Variants in GALNS observed in about 807,000 individuals in gnomAD.
The protein encoded by GALNS is galactosamine (N-acetyl)-6-sulfatase, also known as N-acetylgalactosamine-6-sulfatase.
Under a neutral mutation model 65.9 loss-of-function variants are expected in GALNS, and 65 were observed. The observed-to-expected ratio is 0.99, with a 90% CI of 0.81 to 1.21. The LOEUF is 1.21. Among genes scored for constraint, GALNS ranks in the 50% most tolerant of loss-of-function variants. The pLI is 0.00. For synonymous variants in GALNS, 346 were observed against 288.9 expected, an observed-to-expected ratio of 1.20 and a Z score of -2.00; for missense variants, 776 against 700.7, an observed-to-expected ratio of 1.11 and a Z score of -1.21.
intron 12 of GALNS, among the ~76,000 whole-genome samples, chr16:88,821,791 G>C (rs949873759): frequency 6.6e-6 from 1 of 152,172 alleles, no homozygotes; most frequent in East Asian, 1.9e-4. Flanking sequence ...GCTCAGGCCT[G>C]GTTCTGCCTC....
At chr16:88,847,663 A>C (rs1398577384) in intron 1 of GALNS, among the ~76,000 whole-genome samples, 1 of 152,238 alleles carries the variant, frequency 6.6e-6, no homozygotes, top group Non-Finnish European at 1.5e-5. Context: ...CACGACAGGG[A>C]CTAGAGTCTG....
chr16:88,825,930 C>T (rs972065565), intron 10 of GALNS, among the ~76,000 whole-genome samples: 5 of 152,212 alleles, frequency 3.3e-5, no homozygotes, highest in African/African-American at 9.7e-5. Flanking sequence ...CTTTGGAATC[C>T]TCATCCCTTC....
chr16:88,856,389 G>A, intron 1 of GALNS: 1 of 701,758 alleles, frequency 1.4e-6, no homozygotes, highest in Non-Finnish European at 2.6e-6. Flanking sequence ...CCTTTCCCAA[G>A]AGTAGAGGGC....
rs1910966758 is a variant in GALNS, at chr16:88,826,745, G to A, written c.1096C>T (p.Leu366Phe). Reference protein sequence around the residue: ...TPPSDRAIDGLNLLPTLLQGR... With the variant: ...TPPSDRAIDGFNLLPTLLQGR... Reference sequence around the variant, plus strand: ...TGCAGGAGGGTGGGGAGGAGGTTGAGGCCATCAATGGCCCTGTCGCTGGGC... The same window carrying A: ...TGCAGGAGGGTGGGGAGGAGGTTGAAGCCATCAATGGCCCTGTCGCTGGGC... Residue 366 changes from leucine (L) to phenylalanine (F), a missense_variant, in exon 10 of 14, where the codon CTC becomes TTC. Coordinates refer to ENST00000268695, the MANE Select transcript of GALNS (RefSeq NM_000512.5). The A allele has an allele frequency of 1.9e-6, 3 of 1,612,080 alleles. No individual in the cohort carries two copies. The highest frequency in any genetic ancestry group is 1.7e-6 in the Non-Finnish European group (2 of 1,179,598).
chr16:88,855,628 A>G (rs939837701), intron 1 of GALNS: 2 of 618,954 alleles, frequency 3.2e-6, no homozygotes, highest in Non-Finnish European at 5.8e-6. Context: ...CTTTTCAAGT[A>G]TATCTTTATG....
At chr16:88,837,990 G>T (rs958208774) in intron 4 of GALNS, 1 of 553,688 alleles carries the variant, frequency 1.8e-6, no homozygotes, top group Non-Finnish European at 3.2e-6. Flanking sequence ...CACAACCGAG[G>T]GCGGCAGGCA....
chr16:88,816,674 T>C lies in GALNS; in HGVS notation c.1482+1333A>G, dbSNP rs966876052. 6 of 985,218 alleles carry C rather than the reference T, an allele frequency of 6.1e-6. No individual in the cohort carries two copies. The African/African-American group carries it at 8.7e-5, about 14-fold the overall frequency. 61.0% of individuals were successfully genotyped at this position (985,218 alleles called of 1,614,324 possible). ...CGATGGCCGGTGCTCTCCTGTTACA[T>C]CCGCCGGCCCACGCTGTGGCTCCCT... On this transcript the variant is annotated intron_variant, in intron 13 of 13. Transcript: ENST00000268695.
chr16:88,816,581 G>C, intron 13 of GALNS: 1 of 981,890 alleles, frequency 1.0e-6, no homozygotes, highest in South Asian at 4.7e-5. Context: ...AACCCTGCAG[G>C]GTGGACTGTC....
rs73252811 is a variant in GALNS at position 88,830,411 on chromosome 16, G to A, written c.1002+1587C>T. Among the ~76,000 whole-genome samples, 447 of 152,234 alleles carry A rather than the reference G, an allele frequency of 2.9e-3. 2 individuals are homozygous for A. Among genetic ancestry groups the A allele is most frequent in the African/African-American group, 9.9e-3 (411 of 41,540 alleles). ...TCCAGAAGGAGCTGGCCCCACGCAC[G>A]TCTTCACTCAGCCCCATGAGCCCCA... On this transcript the variant is annotated intron_variant, in intron 9 of 13. Coordinates refer to ENST00000268695, the MANE Select transcript of GALNS (RefSeq NM_000512.5).
rs770815438 is a variant in GALNS, at chr16:88,841,044, G to A, written c.370C>T (p.Leu124=). The change falls in exon 4 of 14, where the codon CTG becomes TTG. Residue 124 remains leucine (L), a synonymous_variant. Coordinates refer to ENST00000268695, the MANE Select transcript of GALNS (RefSeq NM_000512.5). ...VGGIPDSEQL[L]PELLKKAGYV... is the part of the protein sequence containing the mutation. ...CCGGCCTTCTTCAGAAGCTCCGGCA[G>A]GAGCTGCTCCGAGTCTGGGATGCCG... 8 of 1,613,206 alleles carry A rather than the reference G, an allele frequency of 5.0e-6. No homozygotes were observed. In the African/African-American group the frequency reaches 1.1e-4, roughly 22 times the overall value.
At chr16:88,855,524 T>C (rs547084368) in intron 1 of GALNS, 1 of 702,638 alleles carries the variant, frequency 1.4e-6, no homozygotes, top group Non-Finnish European at 2.6e-6. Context: ...AAGCAGTCAC[T>C]GCACACAAAT....
At chr16:88,815,820 G>C (rs1909561953) in intron 13 of GALNS, 4 of 985,226 alleles carry the variant, frequency 4.1e-6, no homozygotes, top group Non-Finnish European at 4.8e-6. Flanking sequence ...CCAAACTCCA[G>C]GGGCAGCAGA....
intron 11 of GALNS, among the ~76,000 whole-genome samples, chr16:88,823,907 G>C (rs1184965979): frequency 6.6e-6 from 1 of 152,196 alleles, no homozygotes; most frequent in Non-Finnish European, 1.5e-5. Context: ...TGACAGTGCT[G>C]GGTAAAACCC....
At chr16:88,856,275 G>A in intron 1 of GALNS, 1 of 703,028 alleles carries the variant, frequency 1.4e-6, no homozygotes, top group South Asian at 1.5e-5. Context: ...GGGGGGACCC[G>A]GCGGCCCGAG....
In GALNS at chr16:88,822,706, A is replaced by G. The variant is rs142822371; in HGVS notation, c.1247T>C (p.Ile416Thr). 1.5e-3 allele frequency: 2,390 copies of G among 1,611,568 alleles called. 7 individuals carry two copies. The highest frequency in any genetic ancestry group is 1.8e-3 in the Non-Finnish European group (2,079 of 1,178,954). ...TNSWENFRQG[I>T]DFCPGQNVSG... The stretch of plus-strand genomic sequence containing the variant: ...AACGTTCTGCCCAGGGCAGAAATCA[A>G]TGCCCTGCAATGAGAAGAGGGAAGG... Residue 416 changes from isoleucine (I) to threonine (T), a missense_variant, in exon 12 of 14, where the codon ATT becomes ACT. Ile to Thr is a moderately conservative substitution (Grantham distance 89, BLOSUM62 -1). Transcript: ENST00000268695.
At chr16:88,817,122 C>A (rs1050557243) in intron 13 of GALNS, 6 of 985,482 alleles carry the variant, frequency 6.1e-6, no homozygotes, top group Non-Finnish European at 7.2e-6. Context: ...GGGAAACAGG[C>A]CTTTGCGGCC....
At position 88,836,329 on chromosome 16, in the gene GALNS, T is replaced by C; in HGVS notation, c.567-62A>G. On this transcript the variant is annotated intron_variant, in intron 5 of 13. Transcript: ENST00000268695. ...TAGGCCAAGAAAGTCCCGTTCTCCC[T>C]GATTTCACCAGCAAAGCCATGGGCT... 3.7e-6 allele frequency: 5 copies of C among 1,334,800 alleles called. No individual in the cohort carries two copies. The East Asian group carries it at 9.3e-5, about 25-fold the overall frequency. The allele number at this position is 1,334,800 out of a possible 1,614,324, so 82.7% of individuals were successfully genotyped here.
At position 88,818,012 on chromosome 16, in the gene GALNS, C is replaced by T; in HGVS notation, c.1477G>A (p.Val493Ile). The change falls in exon 13 of 14, where the codon GTC becomes ATC. Residue 493 changes from valine (V) to isoleucine (I), a missense_variant. Physicochemically the swap from Val to Ile is conservative, Grantham distance 29. Coordinates refer to ENST00000268695, the MANE Select transcript of GALNS (RefSeq NM_000512.5). ...QPQLNVCNWA[V>I]MNWAPPGCEK... is the part of the protein sequence containing the mutation. ...CCCACACACCAGCCACTTACCATGA[C>T]CGCCCAGTTGCACACGTTGAGCTGG... 6.3e-7 allele frequency: 1 copy of T among 1,581,492 alleles called. No homozygotes were observed. Among genetic ancestry groups the T allele is most frequent in the South Asian group, 1.1e-5 (1 of 87,158 alleles).
chr16:88,830,894 C>T (rs185506449), intron 9 of GALNS, among the ~76,000 whole-genome samples: 34 of 152,272 alleles, frequency 2.2e-4, no homozygotes, highest in East Asian at 1.2e-3. Flanking sequence ...AAAAAACGAC[C>T]GATTCTGTAG....
Sources: allele counts gnomAD v4.1 joint callset (sites outside exome capture counted in the v4.1 genomes callset), GRCh38; gene constraint gnomAD v4.1.1; transcripts MANE v1.5; gene names NCBI Gene and HGNC (gene_info 2026-07-23, HGNC 2026-07-21).